Variants in STX3 observed in about 807,000 individuals in gnomAD.
The protein encoded by STX3 is syntaxin-3.
Under a neutral mutation model 40.2 loss-of-function variants are expected in STX3, and 19 were observed. The ratio of observed to expected loss-of-function variants is 0.47; its 90% CI spans 0.33 to 0.69. The LOEUF is 0.69. Among genes scored for constraint, STX3 ranks in the 30% least tolerant of loss-of-function variants. STX3 has a pLI of 0.02. For synonymous variants in STX3, 122 were observed against 132.2 expected, an observed-to-expected ratio of 0.92 and a Z score of 0.53; for missense variants, 364 against 366.7, an observed-to-expected ratio of 0.99 and a Z score of 0.06.
intron 9 of STX3, 188 bp downstream of exon 9, chr11:59,795,670 A>G: frequency 6.5e-7 from 1 of 1,537,246 alleles, no homozygotes; most frequent in Admixed American, 2.0e-5. Context: ...GGGCCGTGGC[A>G]GATACCAAAA....
At chr11:59,765,772 C>T (rs1271867426) in intron 1 of STX3, among the ~76,000 whole-genome samples, 1 of 152,176 alleles carries the variant, frequency 6.6e-6, no homozygotes, top group Non-Finnish European at 1.5e-5. Flanking sequence ...CCACCGTACT[C>T]CAGCCTGGAA....
intron 2 of STX3, among the ~76,000 whole-genome samples, chr11:59,776,195 C>T (rs1260776877): frequency 6.6e-6 from 1 of 152,242 alleles, no homozygotes; most frequent in Middle Eastern, 3.4e-3. Context: ...GGCTCTGGCC[C>T]CACCTAACAT....
At position 59,805,331 on chromosome 11, in the gene STX3, GAA is replaced by G. The variant is rs560032435; in HGVS notation, c.*4512_*4513del. ...TAGTGATTATGTAACTAAAATTGAT[GAA>G]AAAATCACACTATACAACTGTGAGG... On this transcript the variant is annotated 3_prime_UTR_variant, in exon 11 of 11. Coordinates refer to ENST00000337979, the MANE Select transcript of STX3 (RefSeq NM_004177.5). 6.6e-6 allele frequency: 1 copy of G among 152,088 alleles called. No homozygotes were observed. The highest frequency in any genetic ancestry group is 2.4e-5 in the African/African-American group (1 of 41,422). 9.4% of individuals were successfully genotyped at this position (152,088 alleles called of 1,614,324 possible). A position where few individuals can be genotyped will look rare whatever the true frequency, so the allele number is the denominator to read the frequency against.
At chr11:59,790,766 CCT>C (rs1006914470) in intron 5 of STX3, among the ~76,000 whole-genome samples, 180 bp downstream of exon 5, 4 of 152,084 alleles carry the variant, frequency 2.6e-5, no homozygotes, top group Non-Finnish European at 5.9e-5. Flanking sequence ...CCTTTTGGCT[CCT>C]CTCCTGTACT....
intron 1 of STX3, among the ~76,000 whole-genome samples, chr11:59,762,460 C>T (rs976860735): frequency 6.6e-6 from 1 of 152,230 alleles, no homozygotes; most frequent in Non-Finnish European, 1.5e-5. Flanking sequence ...ATAGAAAGCA[C>T]ACATCTTAGA....
At chr11:59,768,543 T>C (rs1208314738) in intron 1 of STX3, among the ~76,000 whole-genome samples, 2 of 152,082 alleles carry the variant, frequency 1.3e-5, no homozygotes, top group African/African-American at 4.8e-5. Flanking sequence ...GGGCATGGTA[T>C]TAAGAAAGCC....
chr11:59,763,987 C>T (rs1213730920), intron 1 of STX3, among the ~76,000 whole-genome samples: 1 of 150,702 alleles, frequency 6.6e-6, no homozygotes, highest in Non-Finnish European at 1.5e-5. Flanking sequence ...CATTGCACTC[C>T]AGCCTGGGCA....
At chr11:59,768,732 G>A (rs574474578) in intron 1 of STX3, among the ~76,000 whole-genome samples, 36 of 152,346 alleles carry the variant, frequency 2.4e-4, no homozygotes, top group African/African-American at 7.5e-4. Context: ...GAACCATCAT[G>A]TATTGGGAAA....
chr11:59,795,648 G>T lies in STX3; in HGVS notation c.786+166G>T, dbSNP rs757993735. 3 of 1,538,016 alleles carry T rather than the reference G, an allele frequency of 2.0e-6. No homozygotes were observed. The South Asian group carries it at 3.6e-5, about 18-fold the overall frequency. On this transcript the variant is annotated intron_variant, in intron 9 of 10. Coordinates refer to ENST00000337979, the MANE Select transcript of STX3 (RefSeq NM_004177.5). ...GAGAACAACATGGACCAGTCAGTGG[G>T]CTTTGTGGAGCGGGCCGTGGCAGAT... is the stretch of plus-strand genomic sequence containing the variant.
intron 1 of STX3, among the ~76,000 whole-genome samples, chr11:59,770,599 T>G (rs895166792): frequency 1.3e-5 from 2 of 152,064 alleles, no homozygotes; most frequent in African/African-American, 4.8e-5. Flanking sequence ...TTGATGATAC[T>G]TGATGAAGGG....
chr11:59,761,121 T>A (rs1863010252), intron 1 of STX3, among the ~76,000 whole-genome samples: 1 of 152,150 alleles, frequency 6.6e-6, no homozygotes, highest in African/African-American at 2.4e-5. Context: ...ACCTTACAGG[T>A]CCATCCCCAA....
chr11:59,776,841 G>C (rs1406084631), intron 2 of STX3, among the ~76,000 whole-genome samples: 1 of 152,196 alleles, frequency 6.6e-6, no homozygotes, highest in Non-Finnish European at 1.5e-5. Context: ...CCAGAGCCTG[G>C]TAAATGATAA....
chr11:59,790,795 G>T (rs1384318475), intron 5 of STX3, among the ~76,000 whole-genome samples: 1 of 152,126 alleles, frequency 6.6e-6, no homozygotes, highest in East Asian at 1.9e-4. Flanking sequence ...CTCTAAGGAG[G>T]CCCCTGAAGA....
In STX3 at chr11:59,805,350, A is replaced by AC. The variant is rs2135062282; in HGVS notation, c.*4527dup. 6.6e-6 allele frequency: 1 copy of AC among 152,302 alleles called. No homozygotes were observed. The highest frequency in any genetic ancestry group is 2.1e-4 in the South Asian group (1 of 4,818). 9.4% of individuals were successfully genotyped at this position (152,302 alleles called of 1,614,324 possible). A position where few individuals can be genotyped will look rare whatever the true frequency, so the allele number is the denominator to read the frequency against. ...ATTGATGAAAAAATCACACTATACA[A>AC]CTGTGAGGAGCACACAACTGCTAAG... On this transcript the variant is annotated 3_prime_UTR_variant, in exon 11 of 11. Transcript: ENST00000337979.
intron 2 of STX3, among the ~76,000 whole-genome samples, chr11:59,778,302 G>A (rs956976984): frequency 6.6e-6 from 1 of 152,154 alleles, no homozygotes; most frequent in Non-Finnish European, 1.5e-5. Flanking sequence ...AGCTAGAAAA[G>A]TCCAAAGGTC....
In STX3 at chr11:59,803,401, T is replaced by C. The variant is rs1865970881; in HGVS notation, c.*2577T>C. ...CCTTAATCTGGGTGGGATTAGGTGC[T>C]AATAATGGTTAGAGAAAACTAAAGA... On this transcript the variant is annotated 3_prime_UTR_variant, in exon 11 of 11. Coordinates refer to ENST00000337979, the MANE Select transcript of STX3 (RefSeq NM_004177.5). The C allele has an allele frequency of 7.8e-6, 5 of 640,310 alleles. No homozygotes were observed. Among genetic ancestry groups the C allele is most frequent in the Non-Finnish European group, 1.1e-5 (5 of 448,612 alleles). The allele number at this position is 640,310 out of a possible 1,614,324, so 39.7% of individuals were successfully genotyped here.
intron 1 of STX3, among the ~76,000 whole-genome samples, chr11:59,763,029 T>C (rs896156898): frequency 5.9e-5 from 9 of 152,166 alleles, no homozygotes; most frequent in Non-Finnish European, 1.0e-4. Context: ...GGGTGTGTAA[T>C]TCCTTGGGCT....
intron 5 of STX3, 56 bp downstream of exon 5, chr11:59,790,642 T>C: frequency 1.5e-6 from 2 of 1,374,322 alleles, no homozygotes; most frequent in Non-Finnish European, 2.1e-6. Flanking sequence ...TGTTTTCCCT[T>C]AACTGTGGAG....
chr11:59,788,297 C>CT (rs1302220684), intron 3 of STX3, among the ~76,000 whole-genome samples: 9 of 152,324 alleles, frequency 5.9e-5, no homozygotes, highest in Non-Finnish European at 7.4e-5. Context: ...CCACTAGACT[C>CT]TAACACCTTG....
Sources: allele counts gnomAD v4.1 joint callset (sites outside exome capture counted in the v4.1 genomes callset), GRCh38; gene constraint gnomAD v4.1.1; transcripts MANE v1.5; gene names NCBI Gene and HGNC (gene_info 2026-07-23, HGNC 2026-07-21).